Variants in ZDHHC5 observed in about 807,000 individuals in gnomAD.
ZDHHC5 encodes the protein zDHHC palmitoyltransferase 5.
A neutral mutation model predicts 70.0 loss-of-function variants in ZDHHC5; 22 were observed. That is an observed-to-expected ratio of 0.31 (90% confidence interval 0.22 to 0.45). ZDHHC5 has a LOEUF of 0.45. Ranked by LOEUF, ZDHHC5 falls within the 20% of genes least tolerant of loss-of-function variation. The pLI, the probability that ZDHHC5 is intolerant of heterozygous loss-of-function variation, is 1.00. For missense variants in ZDHHC5, 746 were observed against 926.9 expected (o/e 0.80, Z 2.53); for synonymous variants, 313 against 347.8 (o/e 0.90, Z 1.11).
chr11:57,696,561 T>A (rs565928682), intron 9 of ZDHHC5, among the ~76,000 whole-genome samples, 200 bp from the exon 10 acceptor site: 1 of 151,940 alleles, frequency 6.6e-6, no homozygotes, highest in South Asian at 2.1e-4. Context: ...ACAAAAAATT[T>A]AAAAAAGTTA....
At chr11:57,682,282 G>T (rs189002566) in intron 2 of ZDHHC5, 140 bp from the exon 3 acceptor site, 4 of 1,159,030 alleles carry the variant, frequency 3.5e-6, no homozygotes, top group Middle Eastern at 2.5e-4. Flanking sequence ...GAAAGATAAA[G>T]ATAATAATTT....
At chr11:57,668,316 G>A (rs1044540138) in intron 1 of ZDHHC5, 129 bp downstream of exon 1, 2 of 238,174 alleles carry the variant, frequency 8.4e-6, no homozygotes, top group Non-Finnish European at 1.6e-5. Context: ...TCTCCTCCGG[G>A]CCGGGTCTTC....
At chr11:57,697,513 G>A (rs945715136) in intron 10 of ZDHHC5, among the ~76,000 whole-genome samples, 9 of 150,672 alleles carry the variant, frequency 6.0e-5, no homozygotes, top group Non-Finnish European at 1.0e-4. Flanking sequence ...GTGGTGGGGG[G>A]GCACCTGTAA....
rs1329828843 is a variant in ZDHHC5, at chr11:57,672,598, AC to A, written c.-492del. 4.4e-6 allele frequency: 1 copy of A among 227,304 alleles called. No homozygotes were observed. Among genetic ancestry groups the A allele is most frequent in the Non-Finnish European group, 8.5e-6 (1 of 118,132 alleles). The allele number at this position is 227,304 out of a possible 1,614,324, so 14.1% of individuals were successfully genotyped here. The stretch of plus-strand genomic sequence containing the variant: ...GGCACACCTCTTTTAGGTGCAGCTC[AC>A]ATTTTATGGAACTGTAGTCGTGGAG... On this transcript the variant is annotated 5_prime_UTR_variant, in exon 2 of 12. Coordinates refer to ENST00000287169, the MANE Select transcript of ZDHHC5 (RefSeq NM_015457.3).
chr11:57,676,950 C>T (rs1354007688), intron 2 of ZDHHC5, among the ~76,000 whole-genome samples: 3 of 97,452 alleles, frequency 3.1e-5, no homozygotes, highest in Non-Finnish European at 5.5e-5. Flanking sequence ...GAGATGGAGT[C>T]TTACTCTGTC....
Position 57,684,112 on chromosome 11 carries a change from A to G in ZDHHC5, c.226+1569A>G, listed in dbSNP as rs1415808017. Among the ~76,000 whole-genome samples the G allele has an allele frequency of 2.0e-5, 3 of 151,816 alleles. No individual in the cohort carries two copies. The East Asian group carries it at 5.8e-4, about 30-fold the overall frequency. On this transcript the variant is annotated intron_variant, in intron 3 of 11. Coordinates refer to ENST00000287169, the MANE Select transcript of ZDHHC5 (RefSeq NM_015457.3). ...CTCAGCCTCCAGAATTGCTGGGACTACAGGCGCGGGCCACCACACACAGCT... is the reference window on the plus strand; with the variant it reads ...CTCAGCCTCCAGAATTGCTGGGACTGCAGGCGCGGGCCACCACACACAGCT...
At chr11:57,689,505 G>A (rs959703664) in intron 4 of ZDHHC5, among the ~76,000 whole-genome samples, 13 of 152,118 alleles carry the variant, frequency 8.5e-5, no homozygotes, top group Middle Eastern at 3.4e-3. Context: ...AGCCTCCTGA[G>A]TAGCTGGGAT....
At chr11:57,673,457 A>C (rs2135377440) in intron 2 of ZDHHC5, among the ~76,000 whole-genome samples, 1 of 152,192 alleles carries the variant, frequency 6.6e-6, no homozygotes, top group South Asian at 2.1e-4. Flanking sequence ...ATATTTTTCT[A>C]CCCAGCTCCA....
chr11:57,687,756 G>GTTTTTTTTTTTTTTTTT (rs746146074), intron 3 of ZDHHC5, among the ~76,000 whole-genome samples: 4 of 75,274 alleles, frequency 5.3e-5, no homozygotes, highest in Admixed American at 1.7e-4. Context: ...TTTTGGGAAA[G>GTTTTTTTTTTTTTTTTT]TTTTTTTTTT....
At chr11:57,696,071 C>T in intron 9 of ZDHHC5, 28 bp downstream of exon 9, 2 of 1,599,294 alleles carry the variant, frequency 1.3e-6, no homozygotes, top group South Asian at 1.1e-5. Flanking sequence ...TTGCAAGATA[C>T]TAGAACTAGG....
chr11:57,698,150 A>ACACACACACACAC (rs1565199239), intron 10 of ZDHHC5, among the ~76,000 whole-genome samples: 5 of 116,350 alleles, frequency 4.3e-5, no homozygotes, highest in South Asian at 2.7e-4. Context: ...CACACACACA[A>ACACACACACACAC]ACAAATGCCA....
At chr11:57,686,940 C>T (rs1946215194) in intron 3 of ZDHHC5, among the ~76,000 whole-genome samples, 1 of 151,552 alleles carries the variant, frequency 6.6e-6, no homozygotes, top group African/African-American at 2.4e-5. Context: ...AAGCCATTCT[C>T]CTGCCTCAGC....
intron 9 of ZDHHC5, among the ~76,000 whole-genome samples, chr11:57,696,282 T>C (rs1275536719): frequency 6.6e-6 from 1 of 152,172 alleles, no homozygotes; most frequent in Non-Finnish European, 1.5e-5. Flanking sequence ...CCAGAGAACA[T>C]CACAGAACCT....
intron 4 of ZDHHC5, among the ~76,000 whole-genome samples, chr11:57,689,760 T>C (rs1326808262): frequency 6.6e-6 from 1 of 151,528 alleles, no homozygotes; most frequent in Non-Finnish European, 1.5e-5. Context: ...TCATCATAGT[T>C]CACTACAGCC....
chr11:57,693,132 C>G (rs1783820), intron 7 of ZDHHC5, among the ~76,000 whole-genome samples: 1 of 152,084 alleles, frequency 6.6e-6, no homozygotes, highest in Non-Finnish European at 1.5e-5. Flanking sequence ...TATGGTGAAA[C>G]CCCTTCTCTA....
At chr11:57,687,782 TAAGATG>T (rs148873459) in intron 3 of ZDHHC5, among the ~76,000 whole-genome samples, 3,421 of 109,668 alleles carry the variant, frequency 0.031, 376 homozygotes, top group East Asian at 0.27. Context: ...TTTTTTTTTT[TAAGATG>T]AAGATGAAGT....
At chr11:57,685,100 ATTGTGCCATTGCAC>A (rs1946193721) in intron 3 of ZDHHC5, among the ~76,000 whole-genome samples, 2 of 152,122 alleles carry the variant, frequency 1.3e-5, no homozygotes, top group African/African-American at 4.8e-5. Flanking sequence ...GTGAGCCGAG[ATTGTGCCATTGCAC>A]TCCAGCCTGG....
intron 2 of ZDHHC5, among the ~76,000 whole-genome samples, chr11:57,678,139 A>T (rs955680964): frequency 6.6e-6 from 1 of 152,202 alleles, no homozygotes; most frequent in African/African-American, 2.4e-5. Flanking sequence ...GCATAGACCT[A>T]TTCTTTAGGA....
At chr11:57,689,396 G>A (rs979686648) in intron 4 of ZDHHC5, among the ~76,000 whole-genome samples, 1 of 151,270 alleles carries the variant, frequency 6.6e-6, no homozygotes, top group Admixed American at 6.6e-5. Context: ...TTTATTTATC[G>A]AGACGGAGTC....
Sources: gnomAD v4.1 joint callset for allele counts (sites outside exome capture counted in the v4.1 genomes callset) on GRCh38, gnomAD v4.1.1 for gene constraint, MANE v1.5 for transcripts, NCBI Gene and HGNC (gene_info 2026-07-23, HGNC 2026-07-21) for gene names.